The following RNF6 variants were observed in gnomAD, a reference collection of about 807,000 sequenced individuals.
RNF6 encodes the protein ring finger protein 6.
Under a neutral mutation model 50.1 loss-of-function variants are expected in RNF6, and 21 were observed. The ratio of observed to expected loss-of-function variants is 0.42; its 90% CI spans 0.30 to 0.60. The LOEUF (loss-of-function observed/expected upper bound fraction) is 0.60, where lower values mean the gene tolerates loss of function less well. RNF6 is among the 20% of genes least tolerant of loss of function. RNF6 has a pLI of 0.20. For synonymous variants in RNF6, 255 were observed against 291.8 expected (o/e 0.87, Z 1.29); for missense variants, 698 against 838.2 (o/e 0.83, Z 2.07).
At chr13:26,210,543 G>A (rs1869281460), downstream of RNF6, among the ~76,000 whole-genome samples, 1 of 152,164 alleles carries the variant, frequency 6.6e-6, no homozygotes, top group Non-Finnish European at 1.5e-5. Flanking sequence ...ACAGAAGGAT[G>A]TATTTGCCTA....
chr13:26,208,372 G>A (rs1409682046), downstream of RNF6, among the ~76,000 whole-genome samples: 1 of 152,166 alleles, frequency 6.6e-6, no homozygotes, highest in African/African-American at 2.4e-5. Flanking sequence ...AGTCTGTCAC[G>A]AGCTTTTCTG....
At chr13:26,185,555 G>T (rs1414331666) in intron 5 of RNF6, among the ~76,000 whole-genome samples, 1 of 152,058 alleles carries the variant, frequency 6.6e-6, no homozygotes, top group Non-Finnish European at 1.5e-5. Flanking sequence ...GACTATCCTG[G>T]CCAACATGGT....
chr13:26,184,292 A>C (rs752156194), intron 5 of RNF6, among the ~76,000 whole-genome samples: 1 of 151,796 alleles, frequency 6.6e-6, no homozygotes, highest in Non-Finnish European at 1.5e-5. Flanking sequence ...CGGCCTCCCA[A>C]AGTGCTGGGA....
At chr13:26,195,916 T>C (rs1868641211) in intron 5 of RNF6, among the ~76,000 whole-genome samples, 1 of 152,196 alleles carries the variant, frequency 6.6e-6, no homozygotes, top group South Asian at 2.1e-4. Flanking sequence ...ACATGATTTA[T>C]TCATCAGCAT....
chr13:26,179,800 G>A (rs925437931), intron 5 of RNF6, among the ~76,000 whole-genome samples: 5 of 152,192 alleles, frequency 3.3e-5, no homozygotes, highest in Admixed American at 6.5e-5. Flanking sequence ...TGACTGACAC[G>A]ATCTCAGGGC....
downstream of RNF6, chr13:26,212,730 A>G (rs1002072148): frequency 1.3e-5 from 2 of 151,276 alleles, no homozygotes; most frequent in African/African-American, 4.9e-5. Context: ...TGGAGGGTGA[A>G]TAAACCACAG....
intron 5 of RNF6, among the ~76,000 whole-genome samples, chr13:26,165,568 G>C (rs1872412496): frequency 6.6e-6 from 1 of 152,166 alleles, no homozygotes; most frequent in South Asian, 2.1e-4. Flanking sequence ...TAGGAGGGAG[G>C]CTGTACCCTG....
chr13:26,148,633 TA>T (rs1871382669), intron 5 of RNF6, among the ~76,000 whole-genome samples: 2 of 1,926 alleles, frequency 1.0e-3, no homozygotes, highest in African/African-American at 2.6e-3. Context: ...TAAATCTCTT[TA>T]TATATATATA....
intron 5 of RNF6, among the ~76,000 whole-genome samples, chr13:26,170,912 T>A (rs763378487): frequency 4.6e-5 from 7 of 152,040 alleles, no homozygotes; most frequent in Non-Finnish European, 1.0e-4. Context: ...AAAAAATAAC[T>A]CATAACAAAT....
Position 26,169,812 on chromosome 13 carries a change from A to G in RNF6, n.769-37361T>C, listed in dbSNP as rs151101343. Reference sequence around the variant, plus strand: ...ACTTTTCCTTTTGGTAAAGCCAATTAGCAAATACAGATAGGCTACAGTCTC... The same window carrying G: ...ACTTTTCCTTTTGGTAAAGCCAATTGGCAAATACAGATAGGCTACAGTCTC... On this transcript the variant is annotated intron_variant and non_coding_transcript_variant, in intron 5 of 5. Transcript: ENST00000468480. 3.1e-4 allele frequency among the ~76,000 whole-genome samples: 47 copies of G among 152,330 alleles called. 1 individual carries two copies. The East Asian group carries it at 8.5e-3, about 28-fold the overall frequency.
chr13:26,184,686 C>T (rs1873430776), intron 5 of RNF6, among the ~76,000 whole-genome samples: 1 of 152,148 alleles, frequency 6.6e-6, no homozygotes, highest in African/African-American at 2.4e-5. Flanking sequence ...GTTTCCTGGT[C>T]CATAATGACT....
downstream of RNF6, among the ~76,000 whole-genome samples, chr13:26,210,268 C>T (rs185149496): frequency 7.5e-4 from 114 of 152,322 alleles, no homozygotes; most frequent in Admixed American, 2.8e-3. Flanking sequence ...TGAATTAACA[C>T]CCTGGCTTTC....
intron 5 of RNF6, among the ~76,000 whole-genome samples, chr13:26,156,303 G>T (rs1051998257): frequency 1.3e-5 from 2 of 152,114 alleles, no homozygotes; most frequent in African/African-American, 4.8e-5. Context: ...TTAAGGGGAC[G>T]ATCCACAAAT....
intron 5 of RNF6, among the ~76,000 whole-genome samples, chr13:26,184,252 C>G (rs1014813954): frequency 1.3e-5 from 2 of 151,752 alleles, no homozygotes; most frequent in Non-Finnish European, 2.9e-5. Context: ...AGGATGGTCT[C>G]GATCTCCTGA....
In RNF6 at chr13:26,155,715, T is replaced by TTG. The variant is rs747588807; in HGVS notation, n.769-23266_769-23265dup. Among the ~76,000 whole-genome samples, 4 of 152,148 alleles carry TTG rather than the reference T, an allele frequency of 2.6e-5. No homozygotes were observed. In the East Asian group the frequency reaches 7.7e-4, roughly 29 times the overall value. ...TGGTAGGAAAAGGGTGAGAACAACC[T>TTG]TGTCAGTAGGGGAATAGACAGAAAG... On this transcript the variant is annotated intron_variant and non_coding_transcript_variant, in intron 5 of 5. Transcript: ENST00000468480.
chr13:26,188,071 T>TA (rs1371760409), intron 5 of RNF6, among the ~76,000 whole-genome samples: 2 of 152,216 alleles, frequency 1.3e-5, no homozygotes, highest in Non-Finnish European at 2.9e-5. Flanking sequence ...CCTTCAGCCC[T>TA]AATAGTCTAG....
rs747200880 is a variant in RNF6 at position 26,215,099 on chromosome 13, T to C, written c.783A>G (p.Gln261=). ...SRTNFSSHTN[Q]SGGSELRQRE... is the part of the protein sequence containing the mutation. ...TTTGCCTGAGTTCACTACCACCTGA[T>C]TGGTTTGTGTGACTACTGAAATTAG... The change falls in exon 5 of 5, where the codon CAA becomes CAG. Residue 261 remains glutamine, a synonymous_variant. Transcript: ENST00000381588. The C allele has an allele frequency of 4.3e-6, 7 of 1,614,048 alleles. No homozygotes were observed. The highest frequency in any genetic ancestry group is 3.3e-4 in the Middle Eastern group (2 of 6,084).
intron 5 of RNF6, among the ~76,000 whole-genome samples, chr13:26,156,075 C>T (rs1232984152): frequency 4.6e-5 from 7 of 152,052 alleles, no homozygotes; most frequent in African/African-American, 1.7e-4. Flanking sequence ...TGGCAGAAAA[C>T]ATAGAATGGA....
chr13:26,133,922 T>C (rs1171139623), intron 5 of RNF6, among the ~76,000 whole-genome samples: 1 of 152,238 alleles, frequency 6.6e-6, no homozygotes, highest in Non-Finnish European at 1.5e-5. Flanking sequence ...AATTGAAACC[T>C]AGATGTTTTG....
Sources: gnomAD v4.1 joint callset for allele counts (sites outside exome capture counted in the v4.1 genomes callset) on GRCh38, gnomAD v4.1.1 for gene constraint, MANE v1.5 for transcripts, NCBI Gene and HGNC (gene_info 2026-07-23, HGNC 2026-07-21) for gene names.